Variants in ARHGEF3 observed in about 807,000 individuals in gnomAD.
ARHGEF3 encodes the protein Rho guanine nucleotide exchange factor 3, also known as 59.8 kDA protein.
ARHGEF3 carries 28 observed loss-of-function variants against 63.2 expected under a neutral mutation model. The ratio of observed to expected loss-of-function variants is 0.44; its 90% CI spans 0.33 to 0.61. ARHGEF3 has a LOEUF of 0.61. Among genes scored for constraint, ARHGEF3 ranks in the 20% least tolerant of loss-of-function variants. The pLI is 0.03. For missense variants in ARHGEF3, 533 were observed against 659.3 expected (o/e 0.81, Z 2.10); for synonymous variants, 266 against 254.2 (o/e 1.05, Z -0.44).
chr3:56,808,889 C>T (rs1039810780), intron 4 of ARHGEF3, among the ~76,000 whole-genome samples: 1 of 152,162 alleles, frequency 6.6e-6, no homozygotes, highest in African/African-American at 2.4e-5. Flanking sequence ...CACAGAACAG[C>T]TTCCCATAAC....
At chr3:56,868,681 A>G (rs913246931) in intron 4 of ARHGEF3, among the ~76,000 whole-genome samples, 12 of 152,212 alleles carry the variant, frequency 7.9e-5, no homozygotes, top group African/African-American at 2.9e-4. Context: ...GGATATTCTA[A>G]GAGAGAAAAA....
At chr3:56,940,900 C>A (rs561372315) in intron 3 of ARHGEF3, 1 of 152,138 alleles carries the variant, frequency 6.6e-6, no homozygotes, top group Admixed American at 6.5e-5. Context: ...GATAAGAGAC[C>A]CGATGCTCTG....
chr3:56,948,867 C>A (rs1699656467), intron 3 of ARHGEF3, among the ~76,000 whole-genome samples: 1 of 151,934 alleles, frequency 6.6e-6, no homozygotes, highest in Admixed American at 6.6e-5. Context: ...AACATCGATG[C>A]AAATATCCTC....
rs1491351857 is a variant in ARHGEF3 at position 56,968,204 on chromosome 3, A to AT, written c.63-9316_63-9315insA. Among the ~76,000 whole-genome samples, 31 of 20,032 alleles carry AT rather than the reference A, an allele frequency of 1.5e-3. 1 individual carries two copies. The highest frequency in any genetic ancestry group is 2.9e-3 in the Non-Finnish European group (23 of 7,986). 13.1% of individuals were successfully genotyped at this position (20,032 alleles called of 152,430 possible). A position where few individuals can be genotyped will look rare whatever the true frequency, so the allele number is the denominator to read the frequency against. The stretch of plus-strand genomic sequence containing the variant: ...AAAATATATATTATATATAATATAT[A>AT]AAAATATATATTATATATAATATAT... On this transcript the variant is annotated intron_variant, in intron 2 of 12. Coordinates refer to the ARHGEF3 transcript ENST00000338458.
intron 1 of ARHGEF3, among the ~76,000 whole-genome samples, chr3:57,061,747 G>A (rs1458073141): frequency 1.3e-5 from 2 of 152,160 alleles, no homozygotes; most frequent in African/African-American, 4.8e-5. Flanking sequence ...CTCTCAGTGA[G>A]CAGTCTCTCA....
At chr3:57,002,481 A>ATATATATATATATTT in intron 2 of ARHGEF3, among the ~76,000 whole-genome samples, 1 of 19,480 alleles carries the variant, frequency 5.1e-5, no homozygotes, top group Middle Eastern at 0.023. Context: ...TATATATGTT[A>ATATATATATATATTT]TATATATATA....
intron 4 of ARHGEF3, among the ~76,000 whole-genome samples, chr3:56,842,848 T>C (rs2108115153): frequency 6.6e-6 from 1 of 152,332 alleles, no homozygotes; most frequent in African/African-American, 2.4e-5. Context: ...GAAAAAGCCA[T>C]CTTGGTGACA....
intron 3 of ARHGEF3, among the ~76,000 whole-genome samples, chr3:56,954,836 C>A (rs12636200): frequency 0.26 from 39,104 of 152,076 alleles, 6,005 homozygotes; most frequent in East Asian, 0.39. Context: ...CCAAACACTC[C>A]AGCATAAAAA....
chr3:56,923,056 AT>A (rs1560053809), intron 3 of ARHGEF3, among the ~76,000 whole-genome samples: 358 of 18,302 alleles, frequency 0.02, 20 homozygotes, highest in African/African-American at 0.035. Context: ...ATATATATAT[AT>A]ATATATATAT....
intron 2 of ARHGEF3, among the ~76,000 whole-genome samples, chr3:57,011,520 G>C (rs1477821245): frequency 1.3e-5 from 2 of 152,140 alleles, no homozygotes; most frequent in Non-Finnish European, 2.9e-5. Flanking sequence ...GGAGAGGCCA[G>C]GGATGCTGCT....
chr3:56,902,310 T>C lies in ARHGEF3; in HGVS notation c.130-19956A>G, dbSNP rs149266103. Among the ~76,000 whole-genome samples, 452 of 152,266 alleles carry C rather than the reference T, an allele frequency of 3.0e-3. 1 individual carries two copies. Among genetic ancestry groups the C allele is most frequent in the African/African-American group, 0.01 (430 of 41,542 alleles). ...CTTACAAATATGAAATCATAAGTAA[T>C]GAGGATCTCATGTGTGTGCGCGCGT... On this transcript the variant is annotated intron_variant, in intron 3 of 12. Transcript: ENST00000338458.
chr3:56,885,957 C>T (rs926881068), intron 3 of ARHGEF3, among the ~76,000 whole-genome samples: 5 of 152,188 alleles, frequency 3.3e-5, no homozygotes, highest in Admixed American at 1.3e-4. Flanking sequence ...TGTTCATTTG[C>T]TCTGTGTTCA....
intron 2 of ARHGEF3, among the ~76,000 whole-genome samples, chr3:57,006,716 C>T (rs552622973): frequency 2.6e-5 from 4 of 152,180 alleles, no homozygotes; most frequent in Admixed American, 6.6e-5. Flanking sequence ...CACAGTCACT[C>T]GTTCAATGTG....
intron 2 of ARHGEF3, among the ~76,000 whole-genome samples, chr3:56,763,391 G>A (rs2035532028): frequency 6.6e-6 from 1 of 152,118 alleles, no homozygotes; most frequent in East Asian, 1.9e-4. Context: ...TGGGCCAAAT[G>A]GCTCCTAGAG....
chr3:56,855,772 C>T (rs1444643687), intron 4 of ARHGEF3, among the ~76,000 whole-genome samples: 1 of 152,028 alleles, frequency 6.6e-6, no homozygotes, highest in Non-Finnish European at 1.5e-5. Context: ...AACTACGACA[C>T]TAAAGTGGAA....
At chr3:56,945,190 G>A (rs1699418319) in intron 3 of ARHGEF3, among the ~76,000 whole-genome samples, 1 of 152,168 alleles carries the variant, frequency 6.6e-6, no homozygotes, top group African/African-American at 2.4e-5. Context: ...CCCAGCATGA[G>A]TGATGCAGAA....
At chr3:56,807,176 G>A (rs966797313) in intron 4 of ARHGEF3, among the ~76,000 whole-genome samples, 12 of 152,114 alleles carry the variant, frequency 7.9e-5, no homozygotes, top group Non-Finnish European at 1.6e-4. Flanking sequence ...GGGAGCCACC[G>A]CGCCAGGCCT....
intron 1 of ARHGEF3, chr3:56,775,015 CT>C (rs1302667522): frequency 6.5e-7 from 1 of 1,544,434 alleles, no homozygotes; most frequent in Non-Finnish European, 8.7e-7. Flanking sequence ...TCCTCCTAAG[CT>C]CCATCTGACC....
chr3:56,758,585 G>A (rs1003935476), intron 2 of ARHGEF3, among the ~76,000 whole-genome samples: 1 of 152,166 alleles, frequency 6.6e-6, no homozygotes, highest in Non-Finnish European at 1.5e-5. Flanking sequence ...CACAAGTAGT[G>A]GGGGTGCTCC....
Sources: allele counts gnomAD v4.1 joint callset (sites outside exome capture counted in the v4.1 genomes callset), GRCh38; gene constraint gnomAD v4.1.1; transcripts MANE v1.5; gene names NCBI Gene and HGNC (gene_info 2026-07-23, HGNC 2026-07-21).